The following HECTD4 variants were observed in gnomAD, a reference collection of about 807,000 sequenced individuals.
HECTD4 encodes probable E3 ubiquitin-protein ligase HECTD4.
A neutral mutation model predicts 471.5 loss-of-function variants in HECTD4; 114 were observed. The observed-to-expected ratio is 0.24, with a 90% CI of 0.21 to 0.28. The LOEUF (loss-of-function observed/expected upper bound fraction) is 0.28. Ranked by LOEUF, HECTD4 falls within the 10% of genes least tolerant of loss-of-function variation. The pLI, the probability that HECTD4 is intolerant of heterozygous loss-of-function variation, is 1.00. For synonymous variants in HECTD4, 2,012 were observed against 2,256.0 expected (o/e 0.89, Z 3.07); for missense variants, 3,866 against 5,651.5 (o/e 0.68, Z 10.13).
Position 112,194,755 on chromosome 12 carries a change from G to A in HECTD4, c.8749+130C>T, listed in dbSNP as rs1301816225. The A allele has an allele frequency of 1.8e-5, 14 of 786,492 alleles. No homozygotes were observed. The highest frequency in any genetic ancestry group is 2.6e-5 in the Non-Finnish European group (13 of 499,038). The allele number at this position is 786,492 out of a possible 1,614,324, so 48.7% of individuals were successfully genotyped here. On this transcript the variant is annotated intron_variant, in intron 56 of 75. Transcript: ENST00000682272. This position sits in a 1 kb window ranked among gnomAD's most constrained non-coding sequence, Gnocchi z 4.6. ...CTGCCAGGAGAATCCCAGTTCCTGC[G>A]TGCAATTTCTCACGTGAGCCTATGC...
At chr12:112,200,888 T>TGTGTGTGCGTGCGTGCGTGC in intron 54 of HECTD4, 90 bp from the exon 55 acceptor site, 1 of 366,726 alleles carries the variant, frequency 2.7e-6, no homozygotes, top group South Asian at 4.6e-5. Context: ...TGCGTGCGTG[T>TGTGTGTGCGTGCGTGCGTGC]GTGTGTGTGT....
intron 1 of HECTD4, among the ~76,000 whole-genome samples, chr12:112,346,012 T>C (rs1050095046): frequency 6.6e-6 from 1 of 152,214 alleles, no homozygotes; most frequent in African/African-American, 2.4e-5. Flanking sequence ...ATTTACCAAA[T>C]GTTTATGATG....
rs564261611 is a variant in HECTD4, at chr12:112,371,755, G to A, written c.177+10197C>T. Among the ~76,000 whole-genome samples the A allele has an allele frequency of 2.3e-4, 34 of 150,632 alleles. No homozygotes were observed. The South Asian group carries it at 6.5e-3, about 29-fold the overall frequency. On this transcript the variant is annotated intron_variant, in intron 1 of 75. Transcript: ENST00000682272. ...TACAAAATGAGCTGGGCGTGGAGGC[G>A]GGCGCCTGTAATCCCAGCTACTTGG...
chr12:112,267,271 C>T (rs897179638), intron 13 of HECTD4: 21 of 342,166 alleles, frequency 6.1e-5, no homozygotes, highest in African/African-American at 3.0e-4. Context: ...CAAGGGTATA[C>T]GAGTAGCTGC....
chr12:112,249,913 C>T (rs1396930270), intron 25 of HECTD4: 2 of 540,266 alleles, frequency 3.7e-6, no homozygotes, highest in Non-Finnish European at 6.6e-6. Context: ...GGTCCAAGAA[C>T]CAACAAGTTC....
In HECTD4 at chr12:112,163,664, C is replaced by T. The variant is rs1389293618; in HGVS notation, c.12775G>A (p.Val4259Met). 19 of 1,536,842 alleles carry T rather than the reference C, an allele frequency of 1.2e-5. No individual in the cohort carries two copies. The highest frequency in any genetic ancestry group is 2.8e-5 in the African/African-American group (2 of 72,508). The change falls in exon 74 of 76, where the codon GTG (valine) becomes ATG (methionine). Residue 4259 changes from valine (V) to methionine (M), a missense_variant. By Grantham distance (21) the Val-to-Met change is conservative (BLOSUM62 1). Around this residue, in one of 16 missense-constraint regions of HECTD4, gnomAD observed 715 missense variants for 1,087.6 expected, o/e 0.66. Coordinates refer to ENST00000682272, the MANE Select transcript of HECTD4 (RefSeq NM_001388303.1). This position sits in a 1 kb window ranked among gnomAD's most constrained non-coding sequence, Gnocchi z 8.2. ...RLRELQNVEC[V>M]TAVRAGLGSI... The stretch of plus-strand genomic sequence containing the variant: ...CCCAGGCCGGCCCGCACGGCCGTCA[C>T]GCACTCCACATTCTGCAGCTCCCGC...
At chr12:112,380,183 G>A (rs2036861727) in intron 1 of HECTD4, among the ~76,000 whole-genome samples, 1 of 152,160 alleles carries the variant, frequency 6.6e-6, no homozygotes, top group Non-Finnish European at 1.5e-5. Flanking sequence ...AGTGGCTCAC[G>A]CCTGTAATCT....
intron 1 of HECTD4, among the ~76,000 whole-genome samples, chr12:112,320,776 T>C (rs1358995514): frequency 6.6e-6 from 1 of 152,212 alleles, no homozygotes; most frequent in African/African-American, 2.4e-5. Flanking sequence ...GTTTTATCTC[T>C]GTTCTTCAAA....
chr12:112,327,625 C>T (rs974053400), intron 1 of HECTD4, among the ~76,000 whole-genome samples: 4 of 152,092 alleles, frequency 2.6e-5, no homozygotes, highest in African/African-American at 9.7e-5. Flanking sequence ...ATGCTTAGAA[C>T]ATCTGAGTTT....
At chr12:112,365,512 T>C (rs1054727765) in intron 1 of HECTD4, among the ~76,000 whole-genome samples, 6 of 152,238 alleles carry the variant, frequency 3.9e-5, no homozygotes, top group Non-Finnish European at 7.3e-5. Context: ...ATTTCACTTC[T>C]GACCAGCCAC....
Position 112,185,435 on chromosome 12 carries a change from G to A in HECTD4, c.9531C>T (p.Leu3177=), listed in dbSNP as rs2031826049. 3 of 1,582,706 alleles carry A rather than the reference G, an allele frequency of 1.9e-6. No homozygotes were observed. Among genetic ancestry groups the A allele is most frequent in the Non-Finnish European group, 2.6e-6 (3 of 1,163,444 alleles). The change falls in exon 61 of 76, where the codon CTC becomes CTT. Residue 3177 remains leucine, a synonymous_variant. Coordinates refer to ENST00000682272, the MANE Select transcript of HECTD4 (RefSeq NM_001388303.1). ...AACVKELVFH[L]LAELLRTVHT... is the part of the protein sequence containing the mutation. ...GCACCGTGCGCAGGAGCTCTGCCAG[G>A]AGATGGAAAACAAGCTCCTTCACGC...
intron 9 of HECTD4, among the ~76,000 whole-genome samples, chr12:112,276,355 T>A (rs1371447557): frequency 6.6e-6 from 1 of 151,668 alleles, no homozygotes; most frequent in Non-Finnish European, 1.5e-5. Context: ...TTAATAAGAC[T>A]AATGGTCATA....
At chr12:112,200,365 G>A (rs1420461783) in intron 55 of HECTD4, among the ~76,000 whole-genome samples, 1 of 152,070 alleles carries the variant, frequency 6.6e-6, no homozygotes, top group Admixed American at 6.6e-5. Flanking sequence ...GGTTGGCCGG[G>A]CTGGTCTCGA....
chr12:112,358,430 AC>A (rs1315518053), intron 1 of HECTD4, among the ~76,000 whole-genome samples: 1 of 152,212 alleles, frequency 6.6e-6, no homozygotes, highest in Non-Finnish European at 1.5e-5. Context: ...AGCTTGAACA[AC>A]ATAGCAAAAC....
chr12:112,332,238 T>C (rs1304713929), intron 1 of HECTD4, among the ~76,000 whole-genome samples: 3 of 151,976 alleles, frequency 2.0e-5, no homozygotes, highest in Non-Finnish European at 4.4e-5. Flanking sequence ...TCACTTTATA[T>C]AAAGATTCCT....
At chr12:112,351,518 C>T (rs2036248126) in intron 1 of HECTD4, among the ~76,000 whole-genome samples, 1 of 152,196 alleles carries the variant, frequency 6.6e-6, no homozygotes, top group Non-Finnish European at 1.5e-5. Flanking sequence ...GGAAACAAGT[C>T]TGTTTAAGCA....
At chr12:112,353,137 G>A (rs2036276397) in intron 1 of HECTD4, among the ~76,000 whole-genome samples, 1 of 152,116 alleles carries the variant, frequency 6.6e-6, no homozygotes, top group African/African-American at 2.4e-5. Flanking sequence ...AAGAACCAAG[G>A]AGCTGACTGA....
intron 55 of HECTD4, among the ~76,000 whole-genome samples, chr12:112,199,805 C>A (rs2032362484): frequency 6.6e-6 from 1 of 152,110 alleles, no homozygotes; most frequent in Admixed American, 6.5e-5. Flanking sequence ...TTACACTGTA[C>A]CTGGACATCT....
chr12:112,187,533 C>T (rs143044856), intron 60 of HECTD4, among the ~76,000 whole-genome samples: 155 of 151,720 alleles, frequency 1.0e-3, no homozygotes, highest in African/African-American at 3.5e-3. Flanking sequence ...ACACCAGGCC[C>T]GGCCTGTATT....
Sources: allele counts gnomAD v4.1 joint callset (sites outside exome capture counted in the v4.1 genomes callset), GRCh38; gene constraint gnomAD v4.1.1; regional missense constraint gnomAD v4.1.1; non-coding constraint Gnocchi (gnomAD v3.1); transcripts MANE v1.5; gene names NCBI Gene and HGNC (gene_info 2026-07-23, HGNC 2026-07-21).